The following BTBD8 variants were observed in gnomAD, a reference collection of about 807,000 sequenced individuals.
BTBD8 encodes BTB domain containing 8.
BTBD8 carries 110 observed loss-of-function variants against 162.9 expected under a neutral mutation model. That is an observed-to-expected ratio of 0.68 (90% CI 0.58 to 0.79). The LOEUF is 0.79. BTBD8 is among the 30% of genes least tolerant of loss of function. BTBD8 has a pLI of 0.00. For missense variants in BTBD8, 1,905 were observed against 2,085.4 expected, an observed-to-expected ratio of 0.91 and a Z score of 1.68; for synonymous variants, 667 against 716.1, an observed-to-expected ratio of 0.93 and a Z score of 1.10.
chr1:92,147,503 C>T (rs566008458), intron 8 of BTBD8, among the ~76,000 whole-genome samples, 181 bp from the exon 9 acceptor site: 1 of 152,098 alleles, frequency 6.6e-6, no homozygotes, highest in African/African-American at 2.4e-5. Flanking sequence ...AATCTGTGCA[C>T]ATGGATTTAA....
At position 92,146,607 on chromosome 1, in the gene BTBD8, C is replaced by T. The variant is rs542812835; in HGVS notation, c.931-573C>T. 3.3e-5 allele frequency among the ~76,000 whole-genome samples: 5 copies of T among 152,256 alleles called. No individual in the cohort carries two copies. In the South Asian group the frequency reaches 1.0e-3, roughly 32 times the overall value. ...CATAAAATCCTCTATGCTCTGACTGCTCATCTTTCCCTCCCCATTAACCCC... is the reference window on the plus strand; with the variant it reads ...CATAAAATCCTCTATGCTCTGACTGTTCATCTTTCCCTCCCCATTAACCCC... On this transcript the variant is annotated intron_variant, in intron 7 of 17. Coordinates refer to ENST00000636805, the MANE Select transcript of BTBD8 (RefSeq NM_001376131.1).
intron 13 of BTBD8, among the ~76,000 whole-genome samples, chr1:92,173,795 G>A (rs1282265058): frequency 6.6e-6 from 1 of 152,132 alleles, no homozygotes; most frequent in Non-Finnish European, 1.5e-5. Context: ...GTGAAAATTA[G>A]GTGAAATAAT....
intron 9 of BTBD8, among the ~76,000 whole-genome samples, chr1:92,161,167 A>G (rs1650265382): frequency 1.3e-5 from 2 of 152,172 alleles, no homozygotes; most frequent in African/African-American, 4.8e-5. Context: ...AATTTCTCAC[A>G]AAGAGAATTT....
intron 5 of BTBD8, among the ~76,000 whole-genome samples, chr1:92,131,107 G>A (rs1048920120): frequency 6.6e-6 from 1 of 152,180 alleles, no homozygotes; most frequent in Non-Finnish European, 1.5e-5. Context: ...CACTGACCTT[G>A]CCAGAAGGAC....
intron 2 of BTBD8, among the ~76,000 whole-genome samples, chr1:92,091,356 C>T (rs1227462141): frequency 6.6e-6 from 1 of 152,104 alleles, no homozygotes; most frequent in East Asian, 1.9e-4. Flanking sequence ...CCTGTACAGC[C>T]TGGGGAACTG....
chr1:92,106,764 T>G (rs1481814786), intron 3 of BTBD8, among the ~76,000 whole-genome samples: 1 of 144,686 alleles, frequency 6.9e-6, no homozygotes, highest in Non-Finnish European at 1.5e-5. Context: ...GCAAGATAGA[T>G]AGTTCAACAG....
At chr1:92,183,776 T>A in intron 17 of BTBD8, 88 bp from the exon 18 acceptor site, 12 of 556,596 alleles carry the variant, frequency 2.2e-5, no homozygotes, top group East Asian at 3.3e-5. Flanking sequence ...TTTTTGACTA[T>A]CACTGTTATA....
intron 1 of BTBD8, among the ~76,000 whole-genome samples, chr1:92,085,034 G>A (rs1648122098): frequency 6.6e-6 from 1 of 152,088 alleles, no homozygotes; most frequent in Admixed American, 6.5e-5. Flanking sequence ...CCTCTGTGAG[G>A]TCTCCTCTTT....
intron 4 of BTBD8, chr1:92,126,192 G>T: frequency 1.9e-6 from 1 of 518,148 alleles, no homozygotes; most frequent in South Asian, 1.6e-5. Context: ...AGAACCAGGG[G>T]ATGAGTTCCT....
chr1:92,142,775 G>T (rs1649808437), intron 7 of BTBD8, among the ~76,000 whole-genome samples: 1 of 152,238 alleles, frequency 6.6e-6, no homozygotes, highest in Non-Finnish European at 1.5e-5. Flanking sequence ...AGGCCAGGTT[G>T]AAGCTTGATC....
intron 2 of BTBD8, among the ~76,000 whole-genome samples, chr1:92,099,328 A>G (rs1648527794): frequency 6.6e-6 from 1 of 152,048 alleles, no homozygotes; most frequent in African/African-American, 2.4e-5. Flanking sequence ...AGAAGTGTGA[A>G]TCCACCAACT....
intron 13 of BTBD8, among the ~76,000 whole-genome samples, chr1:92,173,304 G>C (rs1650608923): frequency 1.3e-5 from 2 of 152,176 alleles, no homozygotes; most frequent in Admixed American, 1.3e-4. Flanking sequence ...CTTTTGAATT[G>C]TTGCATCCAA....
intron 2 of BTBD8, among the ~76,000 whole-genome samples, chr1:92,098,427 C>G (rs953487912): frequency 6.6e-6 from 1 of 152,086 alleles, no homozygotes; most frequent in African/African-American, 2.4e-5. Flanking sequence ...ATTTTCAAGT[C>G]TCTTGTATTA....
Position 92,117,643 on chromosome 1 carries a change from G to A in BTBD8, c.662+9642G>A, listed in dbSNP as rs182491314. ...TATATTCAGCCAAAGCTCAAGGGAGGGAGTATCTACTCTGATTTCTGCAGT... is the reference window on the plus strand; with the variant it reads ...TATATTCAGCCAAAGCTCAAGGGAGAGAGTATCTACTCTGATTTCTGCAGT... On this transcript the variant is annotated intron_variant, in intron 4 of 17. Coordinates refer to ENST00000636805, the MANE Select transcript of BTBD8 (RefSeq NM_001376131.1). 2.1e-3 allele frequency among the ~76,000 whole-genome samples: 313 copies of A among 151,932 alleles called. 6 individuals are homozygous for A. The highest frequency in any genetic ancestry group is 6.5e-3 in the African/African-American group (267 of 41,300).
intron 4 of BTBD8, among the ~76,000 whole-genome samples, chr1:92,120,189 G>A (rs536456783): frequency 6.6e-6 from 1 of 152,156 alleles, no homozygotes; most frequent in Admixed American, 6.5e-5. Flanking sequence ...ACCGCGCCTG[G>A]CCTATACGCT....
chr1:92,139,117 AAAT>A (rs1649706040), intron 5 of BTBD8, among the ~76,000 whole-genome samples: 1 of 152,250 alleles, frequency 6.6e-6, no homozygotes, highest in African/African-American at 2.4e-5. Context: ...GACGCTCAAT[AAAT>A]AATGATTTGA....
At position 92,181,047 on chromosome 1, in the gene BTBD8, T is replaced by C. The variant is rs1379640292; in HGVS notation, c.3364T>C (p.Ser1122Pro). ...STSAGQIHLI[S>P]DRENQVGRKD... Reference sequence around the variant, plus strand: ...AAGTGCAGGGCAAATCCATTTGATATCAGATAGGGAGAACCAAGTAGGGAG... The same window carrying C: ...AAGTGCAGGGCAAATCCATTTGATACCAGATAGGGAGAACCAAGTAGGGAG... Residue 1122 changes from serine (S) to proline (P), a missense_variant, in exon 17 of 18, where the codon TCA (serine) becomes CCA (proline). Physicochemically the swap from Ser to Pro is moderately conservative, Grantham distance 74. This residue lies in a region of BTBD8 where 1,374 missense variants were observed against 1,442.7 expected (regional missense o/e 0.95). Transcript: ENST00000636805. 3 of 1,551,812 alleles carry C rather than the reference T, an allele frequency of 1.9e-6. No individual in the cohort carries two copies. Among genetic ancestry groups the C allele is most frequent in the Non-Finnish European group, 1.7e-6 (2 of 1,147,016 alleles).
intron 2 of BTBD8, among the ~76,000 whole-genome samples, chr1:92,093,013 G>A (rs906459420): frequency 6.6e-6 from 1 of 151,902 alleles, no homozygotes; most frequent in Non-Finnish European, 1.5e-5. Context: ...TCTGTTTCAT[G>A]TGTGAAGCTC....
At position 92,088,848 on chromosome 1, in the gene BTBD8, T is replaced by C. The variant is rs1240840200; in HGVS notation, c.300T>C (p.Pro100=). The change falls in exon 2 of 18, where the codon CCT becomes CCC. Residue 100 remains proline (P), a synonymous_variant. Transcript: ENST00000636805. ...QTSNSLTNQE[P]IAVENVEALE... Reference sequence around the variant, plus strand: ...CAAATAGTTTAACAAATCAGGAGCCTATTGCTGTGGAGAATGTTGAAGCTT... The same window carrying C: ...CAAATAGTTTAACAAATCAGGAGCCCATTGCTGTGGAGAATGTTGAAGCTT... The C allele has an allele frequency of 1.2e-6, 2 of 1,613,026 alleles. No homozygotes were observed. The highest frequency in any genetic ancestry group is 1.7e-6 in the Non-Finnish European group (2 of 1,179,382).
Sources: gnomAD v4.1 joint callset for allele counts (sites outside exome capture counted in the v4.1 genomes callset) on GRCh38, gnomAD v4.1.1 for gene constraint, gnomAD v4.1.1 regional missense constraint, MANE v1.5 for transcripts, NCBI Gene and HGNC (gene_info 2026-07-23, HGNC 2026-07-21) for gene names.